The following C2CD2 variants were observed in gnomAD, a reference collection of about 807,000 sequenced individuals.
The protein encoded by C2CD2 is C2 calcium dependent domain containing 2.
C2CD2 carries 43 observed loss-of-function variants against 74.3 expected under a neutral mutation model. That is an observed-to-expected ratio of 0.58 (90% CI 0.45 to 0.75). The LOEUF is 0.75. Ranked by LOEUF, C2CD2 falls within the 30% of genes least tolerant of loss-of-function variation. The probability of loss-of-function intolerance (pLI) is 0.00; values close to 1 mark genes in which losing one functional copy is unlikely to be tolerated. For synonymous variants in C2CD2, 422 were observed against 390.7 expected (o/e 1.08, Z -0.94); for missense variants, 801 against 916.3 (o/e 0.87, Z 1.63).
chr21:41,913,506 T>C (rs553427960), intron 6 of C2CD2, among the ~76,000 whole-genome samples: 1 of 152,274 alleles, frequency 6.6e-6, no homozygotes, highest in South Asian at 2.1e-4. Context: ...ATGTGAGAGC[T>C]GGGACCCCAA....
chr21:41,914,497 G>T, intron 6 of C2CD2, 101 bp downstream of exon 6: 4 of 999,632 alleles, frequency 4.0e-6, no homozygotes, highest in South Asian at 1.7e-5. Context: ...GCACCCCCAC[G>T]GGAGGATGCC....
chr21:41,908,063 C>T, intron 8 of C2CD2: 1 of 437,428 alleles, frequency 2.3e-6, no homozygotes, highest in Non-Finnish European at 4.1e-6. Flanking sequence ...TGAAGGACAT[C>T]ACGGGGTCGT....
intron 2 of C2CD2, among the ~76,000 whole-genome samples, chr21:41,927,734 G>T (rs980419257): frequency 7.2e-5 from 11 of 152,168 alleles, no homozygotes; most frequent in African/African-American, 2.7e-4. Context: ...CTCCCAATTT[G>T]CTGGGATTAT....
rs2064685995 is a variant in C2CD2 at position 41,886,527 on chromosome 21, T to A, written c.*2597A>T. On this transcript the variant is annotated 3_prime_UTR_variant, in exon 14 of 14. Transcript: ENST00000380486. ...CATAAACTCCCTCCCATGTTGGTGT[T>A]TTCTGTAACTTCAGAAAAGGCCATT... is the stretch of plus-strand genomic sequence containing the variant. 3 of 152,222 alleles carry A rather than the reference T, an allele frequency of 2.0e-5. No homozygotes were observed. The highest frequency in any genetic ancestry group is 2.0e-4 in the Admixed American group (3 of 15,286). The allele number at this position is 152,222 out of a possible 1,614,324, so 9.4% of individuals were successfully genotyped here. A position where few individuals can be genotyped will look rare whatever the true frequency, so the allele number is the denominator to read the frequency against.
At chr21:41,913,857 C>T (rs2065056060) in intron 6 of C2CD2, among the ~76,000 whole-genome samples, 1 of 152,200 alleles carries the variant, frequency 6.6e-6, no homozygotes, top group Non-Finnish European at 1.5e-5. Flanking sequence ...TGTTGCTTGT[C>T]TTGGCTCCAA....
intron 11 of C2CD2, among the ~76,000 whole-genome samples, chr21:41,904,953 T>C (rs1328389022): frequency 6.6e-6 from 1 of 152,184 alleles, no homozygotes; most frequent in Non-Finnish European, 1.5e-5. Flanking sequence ...TACCTGAAAC[T>C]GACCATAAAA....
intron 2 of C2CD2, among the ~76,000 whole-genome samples, chr21:41,938,742 CTT>C (rs58050288): frequency 4.7e-4 from 66 of 138,980 alleles, no homozygotes; most frequent in African/African-American, 6.2e-4. Context: ...CTTGCTTTCT[CTT>C]TTTTTTTTTT....
rs539418955 is a variant in C2CD2 at position 41,906,070 on chromosome 21, C to T, written c.1319-233G>A. ...AGCCAGAATTTCCCATTCTATTTTG[C>T]ATCCCTGAACTGTGCCAACTCATGC... is the stretch of plus-strand genomic sequence containing the variant. On this transcript the variant is annotated intron_variant, in intron 10 of 13. Coordinates refer to ENST00000380486, the MANE Select transcript of C2CD2 (RefSeq NM_015500.2). Among the ~76,000 whole-genome samples the T allele has an allele frequency of 7.2e-4, 110 of 152,330 alleles. 1 individual carries two copies. In the Middle Eastern group the frequency reaches 0.014, roughly 19 times the overall value.
intron 3 of C2CD2, 149 bp downstream of exon 3, chr21:41,921,823 T>C (rs1352517768): frequency 3.3e-6 from 2 of 612,898 alleles, no homozygotes; most frequent in South Asian, 2.0e-5. Context: ...GAAAATCCTA[T>C]ATGAAAGGTT....
At position 41,918,098 on chromosome 21, in the gene C2CD2, A is replaced by T; in HGVS notation, c.720+7T>A. 6.2e-7 allele frequency: 1 copy of T among 1,614,108 alleles called. No homozygotes were observed. Among genetic ancestry groups the T allele is most frequent in the Non-Finnish European group, 8.5e-7 (1 of 1,179,994 alleles). ...CAGATGCACCCACAGCACCCAGATGAGTTTACCTGAGCTTCCTTTACAGTC... is the reference window on the plus strand; with the variant it reads ...CAGATGCACCCACAGCACCCAGATGTGTTTACCTGAGCTTCCTTTACAGTC... On this transcript the variant is annotated splice_region_variant and intron_variant, in intron 5 of 13. Transcript: ENST00000380486.
chr21:41,946,371 C>T (rs554901116), intron 1 of C2CD2, among the ~76,000 whole-genome samples: 8 of 152,208 alleles, frequency 5.3e-5, no homozygotes, highest in South Asian at 2.1e-4. Flanking sequence ...GACTGGATCA[C>T]GGTGCGGGGA....
At chr21:41,951,787 T>C (rs1439420280) in intron 1 of C2CD2, among the ~76,000 whole-genome samples, 2 of 152,216 alleles carry the variant, frequency 1.3e-5, no homozygotes, top group African/African-American at 4.8e-5. Context: ...AAGAGGATCA[T>C]ATTTTCTGAA....
chr21:41,911,331 A>C (rs978296079), intron 7 of C2CD2, among the ~76,000 whole-genome samples: 2 of 142,714 alleles, frequency 1.4e-5, no homozygotes, highest in African/African-American at 5.2e-5. Flanking sequence ...ATAATATTTT[A>C]TTTATGATTC....
rs138885607 is a variant in C2CD2, at chr21:41,926,327, CAG to C, written c.379-4244_379-4243del. ...AACAGCTTCCTCTCTGTATAAGTGA[CAG>C]AGTGTTTTTCGGAGTGGGGGGCTAT... On this transcript the variant is annotated intron_variant, in intron 2 of 13. Coordinates refer to ENST00000380486, the MANE Select transcript of C2CD2 (RefSeq NM_015500.2). This position sits in a 1 kb window ranked among gnomAD's most constrained non-coding sequence, Gnocchi z 8.0. The C allele has an allele frequency of 2.0e-3, 608 of 310,550 alleles. 4 individuals are homozygous for C. Among genetic ancestry groups the C allele is most frequent in the African/African-American group, 0.012 (544 of 44,422 alleles). 19.2% of individuals were successfully genotyped at this position (310,550 alleles called of 1,614,324 possible).
rs1028782644 is a variant in C2CD2 at position 41,887,000 on chromosome 21, C to T, written c.*2124G>A. On this transcript the variant is annotated 3_prime_UTR_variant, in exon 14 of 14. Coordinates refer to ENST00000380486, the MANE Select transcript of C2CD2 (RefSeq NM_015500.2). Reference sequence around the variant, plus strand: ...AAAAAATTTTTTAAATAAAAAAAAACTTCTGATATCCTTGCACTTGAATAG... The same window carrying T: ...AAAAAATTTTTTAAATAAAAAAAAATTTCTGATATCCTTGCACTTGAATAG... The T allele has an allele frequency of 6.6e-6, 1 of 152,068 alleles. No homozygotes were observed. Among genetic ancestry groups the T allele is most frequent in the Non-Finnish European group, 1.5e-5 (1 of 68,018 alleles). 9.4% of individuals were successfully genotyped at this position (152,068 alleles called of 1,614,324 possible). A position where few individuals can be genotyped will look rare whatever the true frequency, so the allele number is the denominator to read the frequency against.
rs2065158733 is a variant in C2CD2 at position 41,921,963 on chromosome 21, C to T, written c.492+9G>A. 4.4e-6 allele frequency: 7 copies of T among 1,578,938 alleles called. No individual in the cohort carries two copies. The highest frequency in any genetic ancestry group is 6.1e-6 in the Non-Finnish European group (7 of 1,148,160). ...GGTCTCATAACTTGCAAAGTCTACA[C>T]ATCTTTACCTGTAAATGGAAAGGGG... On this transcript the variant is annotated intron_variant, in intron 3 of 13. Coordinates refer to ENST00000380486, the MANE Select transcript of C2CD2 (RefSeq NM_015500.2).
Position 41,928,141 on chromosome 21 carries a change from G to C in C2CD2, c.379-6056C>G, listed in dbSNP as rs549915147. Among the ~76,000 whole-genome samples the C allele has an allele frequency of 1.5e-3, 235 of 152,350 alleles. 1 individual carries two copies. The highest frequency in any genetic ancestry group is 5.3e-3 in the African/African-American group (220 of 41,586). On this transcript the variant is annotated intron_variant, in intron 2 of 13. Coordinates refer to ENST00000380486, the MANE Select transcript of C2CD2 (RefSeq NM_015500.2). ...TAACATGAAGAGCAGAAGGGAAGTA[G>C]GTCTTCTCCAGGCTGGCAGCTAGTG...
chr21:41,915,100 T>C (rs2065073887), intron 5 of C2CD2, among the ~76,000 whole-genome samples: 1 of 152,212 alleles, frequency 6.6e-6, no homozygotes, highest in Admixed American at 6.5e-5. Context: ...CCTCTTCCGC[T>C]GGCTGCGGGC....
rs1322946195 is a variant in C2CD2, at chr21:41,929,709, G to A, written c.379-7624C>T. ...CTCCTGGCTCCACACCATGCCAGGC[G>A]ACATCACTCAAGTCTCCAAAGATCA... On this transcript the variant is annotated intron_variant, in intron 2 of 13. Transcript: ENST00000380486. This position sits in a 1 kb window ranked among gnomAD's most constrained non-coding sequence, Gnocchi z 4.6. 4.6e-5 allele frequency among the ~76,000 whole-genome samples: 7 copies of A among 152,202 alleles called. No individual in the cohort carries two copies. Among genetic ancestry groups the A allele is most frequent in the Non-Finnish European group, 5.9e-5 (4 of 68,044 alleles).
Sources: gnomAD v4.1 joint callset for allele counts (sites outside exome capture counted in the v4.1 genomes callset) on GRCh38, gnomAD v4.1.1 for gene constraint, Gnocchi (gnomAD v3.1) non-coding constraint, MANE v1.5 for transcripts, NCBI Gene and HGNC (gene_info 2026-07-23, HGNC 2026-07-21) for gene names.